GTF2E2: variants seen among roughly 807,000 people sequenced by gnomAD.
GTF2E2 encodes general transcription factor IIE subunit 2.
Under a neutral mutation model 40.5 loss-of-function variants are expected in GTF2E2, and 21 were observed. That is an observed-to-expected ratio of 0.52 (90% confidence interval 0.37 to 0.75). The LOEUF is 0.75. Ranked by LOEUF, GTF2E2 falls within the 30% of genes least tolerant of loss-of-function variation. GTF2E2 has a pLI of 0.00. For missense variants in GTF2E2, 298 were observed against 338.4 expected (o/e 0.88, Z 0.94); for synonymous variants, 117 against 121.6 (o/e 0.96, Z 0.25).
intron 1 of GTF2E2, among the ~76,000 whole-genome samples, chr8:30,656,472 C>T (rs1486588091): frequency 6.6e-6 from 1 of 152,086 alleles, no homozygotes; most frequent in Non-Finnish European, 1.5e-5. Context: ...TTTCACGTTG[C>T]AAAGGCAGGA....
chr8:30,583,543 C>A (rs1828573643), intron 6 of GTF2E2, among the ~76,000 whole-genome samples: 1 of 151,924 alleles, frequency 6.6e-6, no homozygotes, highest in Admixed American at 6.6e-5. Context: ...CCACACCAGG[C>A]TAACTTTTGT....
intron 6 of GTF2E2, among the ~76,000 whole-genome samples, chr8:30,600,541 T>A (rs1829147762): frequency 6.6e-6 from 1 of 152,150 alleles, no homozygotes; most frequent in African/African-American, 2.4e-5. Flanking sequence ...CCTAGGCTAG[T>A]AAGGGACTGA....
In GTF2E2 at chr8:30,635,077, A is replaced by G. The variant is rs987931337; in HGVS notation, c.213T>C (p.Ser71=). The G allele has an allele frequency of 1.2e-5, 19 of 1,609,358 alleles. No homozygotes were observed. In the Admixed American group the frequency reaches 2.0e-4, roughly 17 times the overall value. ...TAGCAAGAACACCAAACTTATATCC[A>G]GAGCTTCCTGACAAAGCTTTCAAGT... ...SFNLKALSGS[S]GYKFGVLAKI... Residue 71 remains serine (S), a synonymous_variant, in exon 3 of 8, where the codon TCT becomes TCC. Transcript: ENST00000355904.
At chr8:30,621,665 G>C (rs993220728) in intron 3 of GTF2E2, among the ~76,000 whole-genome samples, 1 of 152,036 alleles carries the variant, frequency 6.6e-6, no homozygotes. Flanking sequence ...CAAATTTGTA[G>C]AAATTGATTT....
intron 2 of GTF2E2, among the ~76,000 whole-genome samples, chr8:30,647,849 C>A (rs773938158): frequency 2.6e-5 from 4 of 152,194 alleles, no homozygotes; most frequent in Non-Finnish European, 5.9e-5. Context: ...ACATTACCAA[C>A]TTTCTCCCCC....
intron 2 of GTF2E2, chr8:30,643,471 AC>A (rs1801931279): frequency 6.6e-6 from 1 of 152,232 alleles, no homozygotes; most frequent in East Asian, 1.9e-4. Context: ...AGCCTGACCA[AC>A]ATGGTAAAAC....
At chr8:30,642,360 A>G (rs1469548655) in intron 2 of GTF2E2, among the ~76,000 whole-genome samples, 1 of 152,128 alleles carries the variant, frequency 6.6e-6, no homozygotes, top group Non-Finnish European at 1.5e-5. Context: ...AAGCAGGAAT[A>G]AAAGAATGGT....
chr8:30,604,657 G>C (rs1398845252), intron 6 of GTF2E2, among the ~76,000 whole-genome samples: 1 of 152,160 alleles, frequency 6.6e-6, no homozygotes, highest in Non-Finnish European at 1.5e-5. Context: ...CCAAGCATAT[G>C]TTATCACAAG....
At chr8:30,641,321 G>A (rs898464680) in intron 2 of GTF2E2, among the ~76,000 whole-genome samples, 1 of 152,096 alleles carries the variant, frequency 6.6e-6, no homozygotes, top group Non-Finnish European at 1.5e-5. Flanking sequence ...TTTGGAGGTG[G>A]CCTATGGTGT....
intron 7 of GTF2E2, among the ~76,000 whole-genome samples, chr8:30,579,778 A>T (rs769466713): frequency 8.5e-5 from 13 of 152,224 alleles, no homozygotes; most frequent in Non-Finnish European, 1.8e-4. Context: ...GCAATGTAAA[A>T]GTCATCATTT....
intron 3 of GTF2E2, among the ~76,000 whole-genome samples, chr8:30,617,743 T>C (rs529025138): frequency 7.0e-6 from 1 of 143,312 alleles, no homozygotes; most frequent in African/African-American, 2.6e-5. Context: ...CAGAACCAGA[T>C]CTTGTCTCAA....
intron 2 of GTF2E2, among the ~76,000 whole-genome samples, chr8:30,650,879 C>T (rs531548617): frequency 6.6e-6 from 1 of 151,980 alleles, no homozygotes; most frequent in Admixed American, 6.6e-5. Flanking sequence ...CCAGCCATGG[C>T]GATGGGTGCC....
chr8:30,629,979 A>C (rs1197756079), intron 3 of GTF2E2, among the ~76,000 whole-genome samples: 1 of 152,314 alleles, frequency 6.6e-6, no homozygotes, highest in Non-Finnish European at 1.5e-5. Flanking sequence ...CTGAGAATTA[A>C]AGTGCTGTCT....
chr8:30,594,851 T>C, intron 6 of GTF2E2, among the ~76,000 whole-genome samples: 1 of 145,632 alleles, frequency 6.9e-6, no homozygotes, highest in African/African-American at 2.6e-5. Context: ...GAGCAAAACT[T>C]CATCTCAAAA....
rs539965201 is a variant in GTF2E2 at position 30,642,577 on chromosome 8, G to A, written c.167-7454C>T. 9.9e-5 allele frequency among the ~76,000 whole-genome samples: 15 copies of A among 152,242 alleles called. No individual in the cohort carries two copies. In the East Asian group the frequency reaches 2.9e-3, roughly 29 times the overall value. On this transcript the variant is annotated intron_variant, in intron 2 of 7. Transcript: ENST00000355904. ...TATCCCTGTGCCTCACTCTCCTCCCGATGGATCCCCATCCACACCATCATT... is the reference window on the plus strand; with the variant it reads ...TATCCCTGTGCCTCACTCTCCTCCCAATGGATCCCCATCCACACCATCATT...
intron 3 of GTF2E2, among the ~76,000 whole-genome samples, chr8:30,621,622 C>T (rs927166570): frequency 1.9e-4 from 29 of 152,136 alleles, no homozygotes; most frequent in Admixed American, 1.6e-3. Context: ...TGCTGCCTTT[C>T]GTACTTTGTT....
At chr8:30,649,083 GT>G (rs1006860458) in intron 2 of GTF2E2, among the ~76,000 whole-genome samples, 2 of 152,078 alleles carry the variant, frequency 1.3e-5, no homozygotes, top group African/African-American at 2.4e-5. Flanking sequence ...GTTTAAAACA[GT>G]TTTTACATTT....
chr8:30,588,249 T>G (rs1828740473), intron 6 of GTF2E2, among the ~76,000 whole-genome samples: 1 of 152,226 alleles, frequency 6.6e-6, no homozygotes, highest in Non-Finnish European at 1.5e-5. Flanking sequence ...GAACTTAGTA[T>G]GTTGAGGAGA....
At chr8:30,607,216 AT>A in intron 5 of GTF2E2, 66 bp from the exon 6 acceptor site, 8 of 616,234 alleles carry the variant, frequency 1.3e-5, no homozygotes, top group South Asian at 4.7e-5. Flanking sequence ...AAAAAAAAAA[AT>A]TTAAACAATA....
Sources: gnomAD v4.1 joint callset for allele counts (sites outside exome capture counted in the v4.1 genomes callset) on GRCh38, gnomAD v4.1.1 for gene constraint, MANE v1.5 for transcripts, NCBI Gene and HGNC (gene_info 2026-07-23, HGNC 2026-07-21) for gene names.